KSR2: variants seen among roughly 807,000 people sequenced by gnomAD.
KSR2 encodes the protein kinase suppressor of ras 2.
A neutral mutation model predicts 107.8 loss-of-function variants in KSR2; 25 were observed. The ratio of observed to expected loss-of-function variants is 0.23; its 90% CI spans 0.17 to 0.32. The LOEUF (loss-of-function observed/expected upper bound fraction) is 0.32. Among genes scored for constraint, KSR2 ranks in the 10% least tolerant of loss-of-function variants. The pLI is 1.00. For missense variants in KSR2, 887 were observed against 1,268.9 expected, an observed-to-expected ratio of 0.70 and a Z score of 4.57; for synonymous variants, 480 against 507.0, an observed-to-expected ratio of 0.95 and a Z score of 0.71.
intron 9 of KSR2, among the ~76,000 whole-genome samples, chr12:117,542,101 G>A (rs1219380841): frequency 1.3e-5 from 2 of 151,972 alleles, no homozygotes; most frequent in Non-Finnish European, 2.9e-5. Flanking sequence ...TGCCCAGGCT[G>A]GTTTCAAACT....
At chr12:117,658,116 A>C (rs1884264723) in intron 5 of KSR2, among the ~76,000 whole-genome samples, 1 of 152,252 alleles carries the variant, frequency 6.6e-6, no homozygotes, top group African/African-American at 2.4e-5. Flanking sequence ...GAAGGAATTC[A>C]TGTGACGGGG....
At chr12:117,931,118 C>T (rs1213448664) in intron 1 of KSR2, among the ~76,000 whole-genome samples, 1 of 152,016 alleles carries the variant, frequency 6.6e-6, no homozygotes, top group African/African-American at 2.4e-5. Flanking sequence ...CTGTGTCTCC[C>T]ACAGACATCT....
Position 117,865,092 on chromosome 12 carries a change from AAAAAT to A in KSR2, c.181-4666_181-4662del, listed in dbSNP as rs559804740. On this transcript the variant is annotated intron_variant, in intron 1 of 19. Coordinates refer to ENST00000339824, the MANE Select transcript of KSR2 (RefSeq NM_173598.6). ...ATAATAAAAATAATTAATTAATTTA[AAAAAT>A]AAAATAAAAAACTAATCAGGTTTAA... is the stretch of plus-strand genomic sequence containing the variant. Among the ~76,000 whole-genome samples the A allele has an allele frequency of 2.6e-3, 398 of 152,234 alleles. 1 individual carries two copies. The highest frequency in any genetic ancestry group is 4.4e-3 in the Non-Finnish European group (302 of 68,022).
At chr12:117,712,368 G>A (rs1886817315) in intron 4 of KSR2, among the ~76,000 whole-genome samples, 2 of 152,162 alleles carry the variant, frequency 1.3e-5, no homozygotes, top group African/African-American at 4.8e-5. Context: ...GGGAAATGGG[G>A]GAGAAGCCAC....
intron 5 of KSR2, among the ~76,000 whole-genome samples, chr12:117,615,715 C>T (rs1881840439): frequency 6.6e-6 from 1 of 152,178 alleles, no homozygotes; most frequent in Non-Finnish European, 1.5e-5. Context: ...TCAGATGAGA[C>T]TGTAGCCCCA....
At chr12:117,536,110 A>T (rs11610896) in intron 10 of KSR2, among the ~76,000 whole-genome samples, 1 of 151,920 alleles carries the variant, frequency 6.6e-6, no homozygotes, top group African/African-American at 2.4e-5. Flanking sequence ...GAGATTAACA[A>T]ATGAGTTAAA....
chr12:117,681,842 T>C (rs1269405998), intron 4 of KSR2, among the ~76,000 whole-genome samples: 1 of 152,082 alleles, frequency 6.6e-6, no homozygotes, highest in Non-Finnish European at 1.5e-5. Flanking sequence ...AATTAAACCG[T>C]TGGGGAAGAC....
intron 1 of KSR2, among the ~76,000 whole-genome samples, chr12:117,882,100 C>T (rs1304528611): frequency 3.3e-5 from 5 of 152,202 alleles, no homozygotes; most frequent in African/African-American, 2.4e-5. Context: ...GAGGAAAGTA[C>T]CTTGCACTTT....
intron 4 of KSR2, among the ~76,000 whole-genome samples, chr12:117,725,810 G>C (rs983059209): frequency 6.6e-6 from 1 of 152,124 alleles, no homozygotes; most frequent in Non-Finnish European, 1.5e-5. Context: ...AGCCAGGCAT[G>C]GTGGTGCACA....
At chr12:117,615,082 G>A (rs1253563118) in intron 5 of KSR2, among the ~76,000 whole-genome samples, 1 of 151,928 alleles carries the variant, frequency 6.6e-6, no homozygotes, top group Non-Finnish European at 1.5e-5. Flanking sequence ...GGCCCCTAGG[G>A]TGTTCTCCTG....
intron 14 of KSR2, among the ~76,000 whole-genome samples, chr12:117,511,029 C>A (rs751918494): frequency 1.3e-5 from 2 of 152,192 alleles, no homozygotes; most frequent in Non-Finnish European, 2.9e-5. Flanking sequence ...GACTGTTAGA[C>A]TATTACTACC....
chr12:117,694,426 G>T (rs531102728), intron 4 of KSR2, among the ~76,000 whole-genome samples: 1 of 152,264 alleles, frequency 6.6e-6, no homozygotes, highest in Admixed American at 6.5e-5. Flanking sequence ...ATGCTTGTGA[G>T]GCCTCCCCAG....
intron 1 of KSR2, among the ~76,000 whole-genome samples, chr12:117,873,020 C>T (rs954604606): frequency 6.6e-6 from 1 of 152,170 alleles, no homozygotes; most frequent in African/African-American, 2.4e-5. Flanking sequence ...TCAGTGCGGG[C>T]ATCAAGGATG....
At chr12:117,899,632 T>C (rs1182956265) in intron 1 of KSR2, among the ~76,000 whole-genome samples, 1 of 152,248 alleles carries the variant, frequency 6.6e-6, no homozygotes, top group Admixed American at 6.5e-5. Context: ...GGCCCCATGA[T>C]ATCTAATGCT....
intron 7 of KSR2, among the ~76,000 whole-genome samples, chr12:117,571,656 C>T (rs1316738100): frequency 6.6e-6 from 1 of 152,140 alleles, no homozygotes; most frequent in Non-Finnish European, 1.5e-5. Flanking sequence ...TAATAACATC[C>T]TGTCTTCAAA....
intron 3 of KSR2, among the ~76,000 whole-genome samples, chr12:117,814,128 G>A (rs940503953): frequency 6.6e-6 from 1 of 152,122 alleles, no homozygotes; most frequent in Non-Finnish European, 1.5e-5. Flanking sequence ...GGGGAAGAGT[G>A]GGATACGGAG....
intron 4 of KSR2, among the ~76,000 whole-genome samples, chr12:117,707,985 A>G (rs1244907581): frequency 1.3e-5 from 2 of 152,214 alleles, no homozygotes; most frequent in Non-Finnish European, 2.9e-5. Context: ...TATCTTGGGA[A>G]ATTCAAAGTG....
intron 1 of KSR2, among the ~76,000 whole-genome samples, chr12:117,927,400 G>A (rs1178351183): frequency 7.0e-6 from 1 of 142,740 alleles, no homozygotes; most frequent in Non-Finnish European, 1.5e-5. Flanking sequence ...AAAAAAAAAG[G>A]ACCAGGCCTT....
At chr12:117,867,702 C>T (rs1893521215) in intron 1 of KSR2, among the ~76,000 whole-genome samples, 1 of 152,210 alleles carries the variant, frequency 6.6e-6, no homozygotes, top group Admixed American at 6.5e-5. Context: ...ACCATCCTAG[C>T]GCAGTTGACA....
Sources: gnomAD v4.1 joint callset for allele counts (sites outside exome capture counted in the v4.1 genomes callset) on GRCh38, gnomAD v4.1.1 for gene constraint, MANE v1.5 for transcripts, NCBI Gene and HGNC (gene_info 2026-07-23, HGNC 2026-07-21) for gene names.